CELF2: variants seen among roughly 807,000 people sequenced by gnomAD.
CELF2 encodes the protein CUG triplet repeat RNA-binding protein 2.
Under a neutral mutation model 62.6 loss-of-function variants are expected in CELF2, and 8 were observed. That is an observed-to-expected ratio of 0.13 (90% CI 0.07 to 0.23). The LOEUF (loss-of-function observed/expected upper bound fraction) is 0.23, where lower values mean the gene tolerates loss of function less well. CELF2 is among the 10% of genes least tolerant of loss of function. The probability of loss-of-function intolerance (pLI) is 1.00; values close to 1 mark genes in which losing one functional copy is unlikely to be tolerated. For synonymous variants in CELF2, 258 were observed against 250.0 expected (o/e 1.03, Z -0.30); for missense variants, 333 against 671.0 (o/e 0.50, Z 5.56).
At chr10:10,916,447 C>T (rs901497510) in intron 1 of CELF2, among the ~76,000 whole-genome samples, 1 of 152,190 alleles carries the variant, frequency 6.6e-6, no homozygotes, top group African/African-American at 2.4e-5. Context: ...TAGTTTTCCC[C>T]GGCTGGGACT....
chr10:10,710,678 T>C, the CELF2 span, among the ~76,000 whole-genome samples: 1 of 152,160 alleles, frequency 6.6e-6, no homozygotes, highest in Non-Finnish European at 1.5e-5. Context: ...TCAGATTTTG[T>C]CTCAGGAGCA....
rs1449518607 is a variant in CELF2 at position 11,260,849 on chromosome 10, T to C, written c.538+2977T>C. Among the ~76,000 whole-genome samples, 1 of 152,200 alleles carries C rather than the reference T, an allele frequency of 6.6e-6. No individual in the cohort carries two copies. The highest frequency in any genetic ancestry group is 1.5e-5 in the Non-Finnish European group (1 of 68,034). ...CTACAGGGGCCTGCTCCTGAATCAGTGTATTTGTTAAAAGCACAATTCTCT... is the reference window on the plus strand; with the variant it reads ...CTACAGGGGCCTGCTCCTGAATCAGCGTATTTGTTAAAAGCACAATTCTCT... On this transcript the variant is annotated intron_variant, in intron 5 of 12. Coordinates refer to ENST00000633077, the MANE Select transcript of CELF2 (RefSeq NM_001326342.2). The surrounding 1 kb of genome is among the most constrained non-coding windows in gnomAD (Gnocchi z 4.2).
chr10:10,956,034 A>G lies in CELF2; in HGVS notation c.89+36035A>G, dbSNP rs772905712. Among the ~76,000 whole-genome samples, 24 of 152,242 alleles carry G rather than the reference A, an allele frequency of 1.6e-4. 1 individual carries two copies. Among genetic ancestry groups the G allele is most frequent in the Non-Finnish European group, 2.9e-5 (2 of 68,050 alleles). On this transcript the variant is annotated intron_variant, in intron 2 of 13. Transcript: ENST00000636488. Reference sequence around the variant, plus strand: ...TAAGTCAGGAAAGATTACACTTGTTACAAAGAAATGGAGAAGAAAGGGCAA... The same window carrying G: ...TAAGTCAGGAAAGATTACACTTGTTGCAAAGAAATGGAGAAGAAAGGGCAA...
intron 1 of CELF2, among the ~76,000 whole-genome samples, chr10:10,833,208 C>T (rs750010411): frequency 1.3e-5 from 2 of 152,188 alleles, no homozygotes; most frequent in Non-Finnish European, 2.9e-5. Context: ...GCTTTAAGCC[C>T]TGTTAGCATT....
chr10:11,272,838 A>G (rs943000460), intron 7 of CELF2, among the ~76,000 whole-genome samples: 2 of 151,978 alleles, frequency 1.3e-5, no homozygotes, highest in African/African-American at 4.8e-5. Context: ...GTTTAATGAC[A>G]CTCCAGGTAT....
At chr10:10,617,353 TG>T in the CELF2 span, among the ~76,000 whole-genome samples, 2 of 152,134 alleles carry the variant, frequency 1.3e-5, no homozygotes, top group African/African-American at 4.8e-5. Flanking sequence ...CATTTTAAAG[TG>T]AAGCCAGCTG....
intron 1 of CELF2, among the ~76,000 whole-genome samples, chr10:11,032,510 A>T (rs1463592277): frequency 2.0e-5 from 3 of 152,226 alleles, no homozygotes; most frequent in African/African-American, 7.2e-5. Flanking sequence ...TTAAAATCTA[A>T]GGAACTGTTT....
chr10:10,730,069 G>T, the CELF2 span, among the ~76,000 whole-genome samples: 1 of 152,166 alleles, frequency 6.6e-6, no homozygotes, highest in African/African-American at 2.4e-5. Context: ...CAAGATTACG[G>T]AAGTTCTGGA....
chr10:10,743,689 A>G, the CELF2 span, among the ~76,000 whole-genome samples: 1 of 152,200 alleles, frequency 6.6e-6, no homozygotes, highest in African/African-American at 2.4e-5. Flanking sequence ...TTGATGTCAT[A>G]ATCCTCTTTG....
At position 11,010,013 on chromosome 10, in the gene CELF2, A is replaced by G. The variant is rs2056149697; in HGVS notation, c.53+4573A>G. Among the ~76,000 whole-genome samples the G allele has an allele frequency of 6.6e-6, 1 of 152,188 alleles. No individual in the cohort carries two copies. Among genetic ancestry groups the G allele is most frequent in the Non-Finnish European group, 1.5e-5 (1 of 68,038 alleles). On this transcript the variant is annotated intron_variant, in intron 1 of 12. Coordinates refer to the CELF2 transcript ENST00000416382. The surrounding 1 kb of genome is among the most constrained non-coding windows in gnomAD (Gnocchi z 4.1). ...GGCACAGTTGTGCCTTTATGCGGAA[A>G]TTGATGAGTTGCTTTTCATCCTTCT...
intron 1 of CELF2, among the ~76,000 whole-genome samples, chr10:10,815,529 C>T (rs998421555): frequency 6.6e-6 from 1 of 152,190 alleles, no homozygotes; most frequent in African/African-American, 2.4e-5. Flanking sequence ...TTACAGAAGA[C>T]AGGCAGCAAA....
chr10:10,926,999 T>C (rs1390593887), intron 2 of CELF2: 1 of 152,228 alleles, frequency 6.6e-6, no homozygotes, highest in Non-Finnish European at 1.5e-5. Flanking sequence ...TTGCTGGCCA[T>C]TCTTCATCAG....
intron 1 of CELF2, among the ~76,000 whole-genome samples, chr10:11,150,209 T>C (rs997173259): frequency 1.3e-5 from 2 of 152,216 alleles, no homozygotes; most frequent in South Asian, 2.1e-4. Context: ...ATACACACTT[T>C]GTGATTTTCA....
chr10:11,298,655 C>T (rs2093420997), intron 9 of CELF2, among the ~76,000 whole-genome samples: 1 of 151,604 alleles, frequency 6.6e-6, no homozygotes, highest in Admixed American at 6.6e-5. Context: ...GAATTAATTG[C>T]TAATACTCAC....
At chr10:10,710,360 G>A in the CELF2 span, among the ~76,000 whole-genome samples, 1 of 152,298 alleles carries the variant, frequency 6.6e-6, no homozygotes, top group South Asian at 2.1e-4. Flanking sequence ...GATAATTAGT[G>A]TCTAGGCAAA....
the CELF2 span, among the ~76,000 whole-genome samples, chr10:10,495,471 A>G: frequency 6.6e-6 from 1 of 152,044 alleles, no homozygotes; most frequent in East Asian, 1.9e-4. Flanking sequence ...ACTAGTGGAG[A>G]ACTTAAGGTT....
In CELF2 at chr10:11,318,378, C is replaced by T; in HGVS notation, c.1097-2811C>T. 1 of 232,392 alleles carries T rather than the reference C, an allele frequency of 4.3e-6. No individual in the cohort carries two copies. The highest frequency in any genetic ancestry group is 5.5e-5 in the South Asian group (1 of 18,208). The allele number at this position is 232,392 out of a possible 1,614,324, so 14.4% of individuals were successfully genotyped here. On this transcript the variant is annotated intron_variant, in intron 10 of 12. Coordinates refer to ENST00000633077, the MANE Select transcript of CELF2 (RefSeq NM_001326342.2). This position sits in a 1 kb window ranked among gnomAD's most constrained non-coding sequence, Gnocchi z 5.4. ...AGAGGCCAAACCCTCCCCGTGTCCC[C>T]TGACTGGTCCCCCTTGAGCATCTGC... is the stretch of plus-strand genomic sequence containing the variant.
At chr10:10,908,079 G>A (rs922314611) in intron 1 of CELF2, among the ~76,000 whole-genome samples, 1 of 152,014 alleles carries the variant, frequency 6.6e-6, no homozygotes, top group Non-Finnish European at 1.5e-5. Flanking sequence ...GATGCCGCCC[G>A]GCCTGCCCGT....
chr10:10,658,460 A>C, the CELF2 span, among the ~76,000 whole-genome samples: 6 of 152,312 alleles, frequency 3.9e-5, no homozygotes, highest in East Asian at 9.6e-4. Context: ...TGCTTTGTCT[A>C]CATTAAGATA....
Sources: gnomAD v4.1 joint callset for allele counts (sites outside exome capture counted in the v4.1 genomes callset) on GRCh38, gnomAD v4.1.1 for gene constraint, Gnocchi (gnomAD v3.1) non-coding constraint, MANE v1.5 for transcripts, NCBI Gene and HGNC (gene_info 2026-07-23, HGNC 2026-07-21) for gene names.